MYO16: variants seen among roughly 807,000 people sequenced by gnomAD.
MYO16 encodes myosin XVI.
Under a neutral mutation model 205.3 loss-of-function variants are expected in MYO16, and 94 were observed. The ratio of observed to expected loss-of-function variants is 0.46; its 90% confidence interval spans 0.39 to 0.54. MYO16 has a LOEUF of 0.54. MYO16 is among the 20% of genes least tolerant of loss of function. MYO16 has a pLI of 0.00. For missense variants in MYO16, 2,315 were observed against 2,387.5 expected (o/e 0.97, Z 0.63); for synonymous variants, 988 against 954.0 (o/e 1.04, Z -0.66).
rs1882066787 is a variant in MYO16, at chr13:108,927,568, G to T, written c.1925+17418G>T. On this transcript the variant is annotated intron_variant, in intron 16 of 34. Coordinates refer to ENST00000457511, the MANE Select transcript of MYO16 (RefSeq NM_001198950.3). ...GATTTCTGGATTGATTTTCAAATAA[G>T]GCTTTCTGACATGGAAGTATATTTA... Among the ~76,000 whole-genome samples the T allele has an allele frequency of 2.0e-5, 3 of 152,168 alleles. No individual in the cohort carries two copies. In the South Asian group the frequency reaches 6.2e-4, roughly 32 times the overall value.
the MYO16 span, among the ~76,000 whole-genome samples, chr13:108,586,340 A>AT: frequency 6.0e-3 from 914 of 151,968 alleles, 14 homozygotes; most frequent in African/African-American, 0.021. Flanking sequence ...TTATTTGACT[A>AT]TTTTTTTAAA....
At chr13:109,112,129 G>A (rs1251615760) in intron 28 of MYO16, among the ~76,000 whole-genome samples, 3 of 152,182 alleles carry the variant, frequency 2.0e-5, no homozygotes, top group East Asian at 3.8e-4. Context: ...TTCTGCTTCA[G>A]GAGAGTATAC....
At chr13:108,761,333 C>T (rs185013807) in intron 4 of MYO16, among the ~76,000 whole-genome samples, 61 of 151,922 alleles carry the variant, frequency 4.0e-4, no homozygotes, top group African/African-American at 1.3e-3. Context: ...CACAAGATTC[C>T]GCAAACAGAT....
intron 1 of MYO16, among the ~76,000 whole-genome samples, chr13:108,650,710 A>G (rs1310251886): frequency 1.3e-5 from 2 of 152,222 alleles, no homozygotes; most frequent in African/African-American, 4.8e-5. Flanking sequence ...ATTCCAAAGC[A>G]TCATCCTCTC....
chr13:108,939,883 C>T (rs112307505), intron 16 of MYO16, among the ~76,000 whole-genome samples: 1 of 151,962 alleles, frequency 6.6e-6, no homozygotes, highest in Non-Finnish European at 1.5e-5. Context: ...TACACACACA[C>T]TTCATATCAT....
chr13:108,859,013 T>C (rs766138930), intron 11 of MYO16, among the ~76,000 whole-genome samples: 5 of 152,170 alleles, frequency 3.3e-5, no homozygotes, highest in Admixed American at 6.5e-5. Flanking sequence ...ATCAATGTCA[T>C]TGCTTCTGGA....
chr13:109,134,116 A>G (rs1876661030), intron 31 of MYO16, among the ~76,000 whole-genome samples: 1 of 152,204 alleles, frequency 6.6e-6, no homozygotes, highest in South Asian at 2.1e-4. Flanking sequence ...ATGTGCAGGC[A>G]TTAAGCTAAG....
intron 27 of MYO16, among the ~76,000 whole-genome samples, chr13:109,098,333 G>T (rs957536471): frequency 6.6e-6 from 1 of 152,180 alleles, no homozygotes. Context: ...TATCCCTGTA[G>T]TGTAAAATTC....
At chr13:108,613,030 C>T (rs1319768555) in intron 1 of MYO16, among the ~76,000 whole-genome samples, 4 of 151,898 alleles carry the variant, frequency 2.6e-5, no homozygotes, top group South Asian at 2.1e-4. Flanking sequence ...ATGAGAGAGA[C>T]AAAAAGTAAA....
Position 109,055,188 on chromosome 13 carries a change from A to G in MYO16, c.3129+62A>G. On this transcript the variant is annotated intron_variant, in intron 26 of 34. Coordinates refer to ENST00000457511, the MANE Select transcript of MYO16 (RefSeq NM_001198950.3). The surrounding 1 kb of genome is among the most constrained non-coding windows in gnomAD (Gnocchi z 5.0). ...TGTTTATAGCAACTAAAGAGGGTTT[A>G]TGTAGACTTTTTTTTCCATTTTTGA... The G allele has an allele frequency of 2.9e-6, 4 of 1,375,348 alleles. No individual in the cohort carries two copies. The highest frequency in any genetic ancestry group is 4.0e-6 in the Non-Finnish European group (4 of 997,638). The allele number at this position is 1,375,348 out of a possible 1,614,324, so 85.2% of individuals were successfully genotyped here.
At position 109,179,550 on chromosome 13, in the gene MYO16, G is replaced by A. The variant is rs139168076; in HGVS notation, c.5332G>A (p.Glu1778Lys). Residue 1778 changes from glutamate to lysine, a missense_variant, in exon 34 of 35, where the codon GAA (glutamate) becomes AAA (lysine). Around this residue, in one of 3 missense-constraint regions of MYO16, gnomAD observed 1,097 missense variants for 1,092.0 expected, o/e 1.00. Coordinates refer to ENST00000457511, the MANE Select transcript of MYO16 (RefSeq NM_001198950.3). ...NGNSISNGLP[E>K]EDGYSRLSIS... The stretch of plus-strand genomic sequence containing the variant: ...TGTGTTGACCTCAATAGGTTTACCT[G>A]AAGAAGATGGATACTCACGGTTGTC... 70 of 1,613,416 alleles carry A rather than the reference G, an allele frequency of 4.3e-5. No individual in the cohort carries two copies. The highest frequency in any genetic ancestry group is 1.6e-4 in the Middle Eastern group (1 of 6,076).
the MYO16 span, among the ~76,000 whole-genome samples, chr13:108,545,237 A>G: frequency 1.2e-3 from 187 of 152,236 alleles, no homozygotes; most frequent in Non-Finnish European, 2.0e-3. Context: ...GCTTCCATTT[A>G]TAAGTGAAAA....
At chr13:108,546,331 T>C in the MYO16 span, among the ~76,000 whole-genome samples, 2 of 152,112 alleles carry the variant, frequency 1.3e-5, no homozygotes, top group African/African-American at 4.8e-5. Flanking sequence ...CTAGGGAGCT[T>C]TTCTGAAAAT....
intron 12 of MYO16, among the ~76,000 whole-genome samples, chr13:108,882,454 T>G (rs945072660): frequency 1.2e-4 from 19 of 152,224 alleles, no homozygotes; most frequent in Admixed American, 1.0e-3. Flanking sequence ...TAAAAATAAC[T>G]TTGATTTCTT....
rs150266468 is a variant in MYO16 at position 108,787,068 on chromosome 13, G to A, written c.616+1325G>A. Among the ~76,000 whole-genome samples the A allele has an allele frequency of 3.9e-4, 59 of 152,328 alleles. 1 individual carries two copies. In the East Asian group the frequency reaches 0.011, roughly 29 times the overall value. On this transcript the variant is annotated intron_variant, in intron 5 of 34. Coordinates refer to ENST00000457511, the MANE Select transcript of MYO16 (RefSeq NM_001198950.3). ...TTGACATGAAAAACTTGGCGCAATG[G>A]TGCCTATAGTTAATGATACTGTATT...
intron 12 of MYO16, 21 bp from the exon 13 acceptor site, chr13:108,883,038 T>A: frequency 6.2e-7 from 1 of 1,612,734 alleles, no homozygotes; most frequent in Non-Finnish European, 8.5e-7. Flanking sequence ...GTTTTCCCCT[T>A]GCTGCTGCCC....
intron 2 of MYO16, among the ~76,000 whole-genome samples, chr13:108,681,335 C>T (rs566529494): frequency 6.6e-6 from 1 of 152,364 alleles, no homozygotes; most frequent in African/African-American, 2.4e-5. Flanking sequence ...GCTCTTCACC[C>T]TGCATGTGAC....
intron 30 of MYO16, among the ~76,000 whole-genome samples, chr13:109,126,453 C>T (rs1359610711): frequency 6.6e-6 from 1 of 152,178 alleles, no homozygotes; most frequent in African/African-American, 2.4e-5. Flanking sequence ...TGGCATCTTG[C>T]TAGCACATGA....
intron 31 of MYO16, among the ~76,000 whole-genome samples, chr13:109,130,383 A>G (rs540178280): frequency 1.1e-4 from 16 of 152,350 alleles, no homozygotes; most frequent in African/African-American, 3.6e-4. Flanking sequence ...CTTACAGTAC[A>G]TAATTCTTCA....
Sources: gnomAD v4.1 joint callset for allele counts (sites outside exome capture counted in the v4.1 genomes callset) on GRCh38, gnomAD v4.1.1 for gene constraint, gnomAD v4.1.1 regional missense constraint, Gnocchi (gnomAD v3.1) non-coding constraint, MANE v1.5 for transcripts, NCBI Gene and HGNC (gene_info 2026-07-23, HGNC 2026-07-21) for gene names.